The following ULK4 variants were observed in gnomAD, a reference collection of about 807,000 sequenced individuals.
ULK4 encodes inactive serine/threonine-protein kinase ULK4.
A neutral mutation model predicts 160.6 loss-of-function variants in ULK4; 133 were observed. The ratio of observed to expected loss-of-function variants is 0.83; its 90% CI spans 0.72 to 0.96. The LOEUF (loss-of-function observed/expected upper bound fraction) is 0.96. Among genes scored for constraint, ULK4 ranks in the 40% least tolerant of loss-of-function variants. The pLI is 0.00. For synonymous variants in ULK4, 534 were observed against 539.8 expected (o/e 0.99, Z 0.15); for missense variants, 1,580 against 1,499.5 (o/e 1.05, Z -0.89).
At chr3:41,301,043 T>G (rs1022177795) in intron 35 of ULK4, among the ~76,000 whole-genome samples, 2 of 151,230 alleles carry the variant, frequency 1.3e-5, no homozygotes, top group Non-Finnish European at 1.5e-5. Context: ...TTGCAGCCCA[T>G]GTGGATGGAG....
chr3:41,906,084 G>T (rs1698544869), intron 12 of ULK4, among the ~76,000 whole-genome samples: 2 of 152,036 alleles, frequency 1.3e-5, no homozygotes, highest in Non-Finnish European at 2.9e-5. Context: ...GGGCATGGTG[G>T]CAGGCGCCTG....
intron 30 of ULK4, among the ~76,000 whole-genome samples, chr3:41,661,752 AAC>A (rs1349508912): frequency 5.3e-5 from 8 of 152,304 alleles, no homozygotes; most frequent in Admixed American, 4.6e-4. Flanking sequence ...GTTCAATCAA[AAC>A]AAAAAAATAC....
intron 22 of ULK4, 23 bp from the exon 23 acceptor site, chr3:41,717,884 A>T (rs749638818): frequency 6.2e-7 from 1 of 1,607,798 alleles, no homozygotes; most frequent in Non-Finnish European, 8.5e-7. Flanking sequence ...AAGTGCAAAG[A>T]TTACCTCTCA....
At chr3:41,825,558 A>G (rs1367629827) in intron 18 of ULK4, among the ~76,000 whole-genome samples, 2 of 152,268 alleles carry the variant, frequency 1.3e-5, no homozygotes, top group East Asian at 3.8e-4. Context: ...AAGAAAGGGT[A>G]TCAGTGATGG....
intron 19 of ULK4, among the ~76,000 whole-genome samples, chr3:41,804,561 C>T (rs1416987640): frequency 7.3e-5 from 11 of 151,262 alleles, no homozygotes; most frequent in Non-Finnish European, 1.2e-4. Flanking sequence ...CTTGCCCATG[C>T]CTATGTCCTG....
At chr3:41,291,651 C>A (rs2079567485) in intron 35 of ULK4, among the ~76,000 whole-genome samples, 1 of 151,652 alleles carries the variant, frequency 6.6e-6, no homozygotes, top group Non-Finnish European at 1.5e-5. Flanking sequence ...TAGAACACTA[C>A]TCAGCAGTTA....
At chr3:41,707,164 T>G (rs2036931674) in intron 25 of ULK4, among the ~76,000 whole-genome samples, 1 of 152,136 alleles carries the variant, frequency 6.6e-6, no homozygotes, top group Non-Finnish European at 1.5e-5. Flanking sequence ...TGTGTATTTT[T>G]GAATCTTACT....
intron 31 of ULK4, among the ~76,000 whole-genome samples, chr3:41,583,294 TTTA>T (rs1275016252): frequency 1.3e-5 from 2 of 152,164 alleles, no homozygotes; most frequent in African/African-American, 4.8e-5. Flanking sequence ...ACTAAATTAT[TTTA>T]TTATGAGTTT....
intron 30 of ULK4, among the ~76,000 whole-genome samples, chr3:41,631,384 A>C (rs375338084): frequency 9.2e-5 from 14 of 152,344 alleles, no homozygotes; most frequent in African/African-American, 3.4e-4. Flanking sequence ...ACGTACATAA[A>C]AATAACTTAA....
At chr3:41,953,319 T>TC (rs1491124988) in intron 2 of ULK4, among the ~76,000 whole-genome samples, 2 of 138,178 alleles carry the variant, frequency 1.4e-5, no homozygotes, top group Non-Finnish European at 3.1e-5. Context: ...TTTTTTTTTT[T>TC]GAGATGGAGT....
intron 29 of ULK4, among the ~76,000 whole-genome samples, chr3:41,668,325 C>A (rs957083832): frequency 4.6e-5 from 7 of 152,150 alleles, no homozygotes; most frequent in Admixed American, 3.3e-4. Flanking sequence ...AAAGAATACA[C>A]GTATACAGTC....
intron 35 of ULK4, among the ~76,000 whole-genome samples, chr3:41,346,917 G>A (rs9827383): frequency 5.3e-5 from 8 of 151,914 alleles, no homozygotes; most frequent in African/African-American, 1.7e-4. Context: ...ATATAGACTC[G>A]GTGCTTTTGC....
chr3:41,353,813 T>C (rs2080973209), intron 35 of ULK4, among the ~76,000 whole-genome samples: 2 of 152,020 alleles, frequency 1.3e-5, no homozygotes, highest in African/African-American at 4.8e-5. Flanking sequence ...AGGGTACACC[T>C]ACTATACTAG....
intron 34 of ULK4, among the ~76,000 whole-genome samples, chr3:41,408,832 T>TGG (rs2082350646): frequency 6.6e-6 from 1 of 152,140 alleles, no homozygotes; most frequent in Non-Finnish European, 1.5e-5. Flanking sequence ...GTTTTAACAA[T>TGG]GGTGCCAAGA....
At position 41,584,669 on chromosome 3, in the gene ULK4, A is replaced by C. The variant is rs148053093; in HGVS notation, c.3121-18539T>G. 4.6e-3 allele frequency among the ~76,000 whole-genome samples: 702 copies of C among 152,284 alleles called. 4 individuals carry two copies. Among genetic ancestry groups the C allele is most frequent in the African/African-American group, 0.016 (677 of 41,560 alleles). On this transcript the variant is annotated intron_variant, in intron 31 of 36. Coordinates refer to ENST00000301831, the MANE Select transcript of ULK4 (RefSeq NM_017886.4). ...AGAGATGTGGGAAGAAATTTGCAAA[A>C]ACACACTAAAAATAGGGTACTTTAT...
chr3:41,393,971 C>A (rs924190502), intron 35 of ULK4, among the ~76,000 whole-genome samples: 2 of 152,064 alleles, frequency 1.3e-5, no homozygotes, highest in African/African-American at 4.8e-5. Context: ...TAGTTTATAA[C>A]CTATAAAATG....
At chr3:41,836,762 C>T (rs573528909) in intron 17 of ULK4, among the ~76,000 whole-genome samples, 7 of 152,230 alleles carry the variant, frequency 4.6e-5, no homozygotes, top group African/African-American at 9.6e-5. Context: ...ATATAATGTA[C>T]GCTGAAACTC....
At chr3:41,679,756 A>C (rs186884086) in intron 29 of ULK4, among the ~76,000 whole-genome samples, 1 of 152,238 alleles carries the variant, frequency 6.6e-6, no homozygotes, top group Non-Finnish European at 1.5e-5. Flanking sequence ...AGCTATTACT[A>C]AACTGTGAAG....
chr3:41,714,527 A>G (rs2037199861), intron 25 of ULK4, among the ~76,000 whole-genome samples: 1 of 152,122 alleles, frequency 6.6e-6, no homozygotes, highest in South Asian at 2.1e-4. Flanking sequence ...TTCCCTCTGT[A>G]TTTCCCTCCT....
Sources: gnomAD v4.1 joint callset for allele counts (sites outside exome capture counted in the v4.1 genomes callset) on GRCh38, gnomAD v4.1.1 for gene constraint, MANE v1.5 for transcripts, NCBI Gene and HGNC (gene_info 2026-07-23, HGNC 2026-07-21) for gene names.